ASAP2: variants seen among roughly 807,000 people sequenced by gnomAD.
The protein encoded by ASAP2 is ArfGAP with SH3 domain, ankyrin repeat and PH domain 2, also known as arf-GAP with SH3 domain, ANK repeat and PH domain-containing protein 2.
Under a neutral mutation model 131.4 loss-of-function variants are expected in ASAP2, and 45 were observed. The ratio of observed to expected loss-of-function variants is 0.34; its 90% confidence interval spans 0.27 to 0.44. The LOEUF (loss-of-function observed/expected upper bound fraction) is 0.44. ASAP2 is among the 20% of genes least tolerant of loss of function. ASAP2 has a pLI of 1.00. For synonymous variants in ASAP2, 510 were observed against 503.0 expected (o/e 1.01, Z -0.19); for missense variants, 1,011 against 1,297.0 (o/e 0.78, Z 3.39).
rs190173584 is a variant in ASAP2, at chr2:9,404,543, A to G, written c.*1216A>G. 1 of 152,542 alleles carries G rather than the reference A, an allele frequency of 6.6e-6. No individual in the cohort carries two copies. The allele number at this position is 152,542 out of a possible 1,614,324, so 9.4% of individuals were successfully genotyped here. ...TTTAGTAATTGCGAGGGTAAGATTC[A>G]TAGTAGGAATATTGGAAATTTTGGC... is the stretch of plus-strand genomic sequence containing the variant. On this transcript the variant is annotated 3_prime_UTR_variant, in exon 28 of 28. Transcript: ENST00000281419.
At position 9,268,006 on chromosome 2, in the gene ASAP2, C is replaced by T. The variant is rs1417493014; in HGVS notation, c.127-11311C>T. Among the ~76,000 whole-genome samples, 2 of 152,218 alleles carry T rather than the reference C, an allele frequency of 1.3e-5. No individual in the cohort carries two copies. The highest frequency in any genetic ancestry group is 1.9e-4 in the East Asian group (1 of 5,176). The stretch of plus-strand genomic sequence containing the variant: ...CATCGTAACGCCCTCAGAAGCTTCC[C>T]CTGCCCTGACTGCAGCCCTCAGCTT... On this transcript the variant is annotated intron_variant, in intron 1 of 27. Transcript: ENST00000281419. The surrounding 1 kb of genome is among the most constrained non-coding windows in gnomAD (Gnocchi z 4.1).
intron 25 of ASAP2, among the ~76,000 whole-genome samples, 156 bp downstream of exon 25, chr2:9,400,228 GC>G (rs1553332978): frequency 7.2e-5 from 1 of 13,884 alleles, no homozygotes; most frequent in Non-Finnish European, 1.4e-4. Flanking sequence ...CTCCCCTCCT[GC>G]CCCCTCCCCT....
chr2:9,337,703 T>C (rs1198546359), intron 9 of ASAP2, among the ~76,000 whole-genome samples: 1 of 152,194 alleles, frequency 6.6e-6, no homozygotes, highest in African/African-American at 2.4e-5. Context: ...TTCGTGCTGC[T>C]GTTTCCTTGT....
chr2:9,393,352 TAGC>T, intron 23 of ASAP2, 127 bp from the exon 24 acceptor site: 1 of 827,730 alleles, frequency 1.2e-6, no homozygotes, highest in Non-Finnish European at 1.8e-6. Context: ...GGCAAGGAAA[TAGC>T]AGCAGGTTTT....
Position 9,402,859 on chromosome 2 carries a change from T to C in ASAP2, c.2947-394T>C, listed in dbSNP as rs78288734. Among the ~76,000 whole-genome samples the C allele has an allele frequency of 4.6e-3, 708 of 152,352 alleles. 1 individual carries two copies. The highest frequency in any genetic ancestry group is 7.9e-3 in the Non-Finnish European group (538 of 68,038). On this transcript the variant is annotated intron_variant, in intron 27 of 27. Coordinates refer to ENST00000281419, the MANE Select transcript of ASAP2 (RefSeq NM_003887.3). ...AACTCATTGAAATGGGGCCAACTTA[T>C]ACCTTTGCCACTTTAGGTGACGTTG... is the stretch of plus-strand genomic sequence containing the variant.
chr2:9,401,127 C>T, intron 26 of ASAP2, 147 bp from the exon 27 acceptor site: 1 of 983,884 alleles, frequency 1.0e-6, no homozygotes. Flanking sequence ...TCCTGAGCTG[C>T]ACTGACCTGC....
intron 1 of ASAP2, among the ~76,000 whole-genome samples, chr2:9,209,678 T>A (rs1022531553): frequency 1.3e-5 from 2 of 152,262 alleles, no homozygotes; most frequent in African/African-American, 4.8e-5. Flanking sequence ...CAAGCGATTC[T>A]CCTGCCTCAG....
At chr2:9,344,658 A>G (rs1181248238) in intron 10 of ASAP2, 23 bp downstream of exon 10, 2 of 1,613,072 alleles carry the variant, frequency 1.2e-6, no homozygotes, top group Non-Finnish European at 1.7e-6. Flanking sequence ...GTGTGGCTAG[A>G]GTTTAAATGT....
rs371588307 is a variant in ASAP2, at chr2:9,344,648, G to T, written c.953+13G>T. ...AGAAGAGTGACGGGTACGTGAGGGGGTGTGGCTAGAGTTTAAATGTACGTT... is the reference window on the plus strand; with the variant it reads ...AGAAGAGTGACGGGTACGTGAGGGGTTGTGGCTAGAGTTTAAATGTACGTT... On this transcript the variant is annotated intron_variant, in intron 10 of 27. Transcript: ENST00000281419. 34 of 1,613,424 alleles carry T rather than the reference G, an allele frequency of 2.1e-5. No homozygotes were observed. Among genetic ancestry groups the T allele is most frequent in the Non-Finnish European group, 2.7e-5 (32 of 1,179,422 alleles).
In ASAP2 at chr2:9,313,981, A is replaced by ATTTAT. The variant is rs1246811714; in HGVS notation, c.346-4529_346-4525dup. On this transcript the variant is annotated intron_variant, in intron 3 of 27. Transcript: ENST00000281419. ...CATCGTGTTTCATTTACCTTTGTAAATTTATTTTATTTTATTTTTGAGACA... is the reference window on the plus strand; with the variant it reads ...CATCGTGTTTCATTTACCTTTGTAAATTTATTTTATTTTATTTTATTTTTGAGACA... Among the ~76,000 whole-genome samples the ATTTAT allele has an allele frequency of 2.6e-5, 4 of 152,134 alleles. No individual in the cohort carries two copies. The South Asian group carries it at 8.3e-4, about 32-fold the overall frequency.
At chr2:9,321,612 C>A (rs566196209) in intron 5 of ASAP2, among the ~76,000 whole-genome samples, 168 of 152,204 alleles carry the variant, frequency 1.1e-3, no homozygotes, top group Non-Finnish European at 2.0e-3. Flanking sequence ...GCAGCTTTCC[C>A]ACTTCACTCA....
At chr2:9,363,098 G>A (rs1673216318) in intron 15 of ASAP2, among the ~76,000 whole-genome samples, 1 of 152,000 alleles carries the variant, frequency 6.6e-6, no homozygotes, top group Non-Finnish European at 1.5e-5. Flanking sequence ...TGTCCTTCAG[G>A]TTCATCCATG....
At chr2:9,252,133 GGA>G (rs1264613539) in intron 1 of ASAP2, among the ~76,000 whole-genome samples, 1 of 152,204 alleles carries the variant, frequency 6.6e-6, no homozygotes, top group African/African-American at 2.4e-5. Flanking sequence ...GAGGTGCCTT[GGA>G]GAGAGGTCAC....
At chr2:9,327,986 C>A in intron 7 of ASAP2, 75 bp downstream of exon 7, 1 of 1,117,818 alleles carries the variant, frequency 8.9e-7, no homozygotes, top group Non-Finnish European at 1.3e-6. Flanking sequence ...ATAGATAGCT[C>A]ATAGGAAATA....
chr2:9,230,230 A>T (rs1348878042), intron 1 of ASAP2, among the ~76,000 whole-genome samples: 1 of 152,160 alleles, frequency 6.6e-6, no homozygotes, highest in East Asian at 1.9e-4. Context: ...GGCAGTTGCT[A>T]TTGGCAACAC....
intron 26 of ASAP2, 95 bp downstream of exon 26, chr2:9,400,925 C>G: frequency 7.8e-7 from 1 of 1,289,570 alleles, no homozygotes; most frequent in South Asian, 1.2e-5. Flanking sequence ...TTCCCCTCTT[C>G]CCCTGGCTGG....
chr2:9,214,837 A>C (rs1661892791), intron 1 of ASAP2, among the ~76,000 whole-genome samples: 1 of 151,426 alleles, frequency 6.6e-6, no homozygotes, highest in Non-Finnish European at 1.5e-5. Flanking sequence ...AGCACTTAAT[A>C]GTCTCATGTT....
At chr2:9,387,701 G>A (rs905683164) in intron 21 of ASAP2, among the ~76,000 whole-genome samples, 9 of 152,214 alleles carry the variant, frequency 5.9e-5, no homozygotes, top group Non-Finnish European at 1.0e-4. Context: ...ATCACAGAAT[G>A]GAGAATTTTA....
Position 9,297,342 on chromosome 2 carries a change from A to C in ASAP2, c.242A>C (p.Lys81Thr). 1 of 1,614,118 alleles carries C rather than the reference A, an allele frequency of 6.2e-7. No individual in the cohort carries two copies. Among genetic ancestry groups the C allele is most frequent in the South Asian group, 1.1e-5 (1 of 91,084 alleles). ...NEEQYTQALE[K>T]FGGNCVCRDD... ...GAGCAGTACACCCAGGCTCTGGAGA[A>C]GTTTGGCGGCAACTGTGTATGCAGA... The change falls in exon 3 of 28, where the codon AAG becomes ACG. Residue 81 changes from lysine to threonine, a missense_variant. This residue lies in a region of ASAP2 where 359 missense variants were observed against 598.1 expected (regional missense o/e 0.60). Coordinates refer to ENST00000281419, the MANE Select transcript of ASAP2 (RefSeq NM_003887.3).
Sources: allele counts gnomAD v4.1 joint callset (sites outside exome capture counted in the v4.1 genomes callset), GRCh38; gene constraint gnomAD v4.1.1; regional missense constraint gnomAD v4.1.1; non-coding constraint Gnocchi (gnomAD v3.1); transcripts MANE v1.5; gene names NCBI Gene and HGNC (gene_info 2026-07-23, HGNC 2026-07-21).